ZC3H12B: variants seen among roughly 807,000 people sequenced by gnomAD.
ZC3H12B encodes zinc finger CCCH-type containing 12B, also known as probable ribonuclease ZC3H12B.
Under a neutral mutation model 43.9 loss-of-function variants are expected in ZC3H12B, and 7 were observed. The observed-to-expected ratio is 0.16, with a 90% CI of 0.09 to 0.30. ZC3H12B has a LOEUF of 0.30. Ranked by LOEUF, ZC3H12B falls within the 10% of genes least tolerant of loss-of-function variation. ZC3H12B has a pLI of 1.00. For missense variants in ZC3H12B, 475 were observed against 670.2 expected (o/e 0.71, Z 3.22); for synonymous variants, 222 against 241.7 (o/e 0.92, Z 0.76).
chrX:65,056,738 G>A, the ZC3H12B span, among the ~76,000 whole-genome samples: 1 of 111,210 alleles, frequency 9.0e-6, no homozygotes, highest in South Asian at 3.8e-4. Flanking sequence ...TCTCTTTCTA[G>A]GTGTCTAAGG....
At chrX:65,290,389 G>A in the ZC3H12B span, among the ~76,000 whole-genome samples, 2 of 110,559 alleles carry the variant, frequency 1.8e-5, no homozygotes, top group Non-Finnish European at 3.8e-5. Context: ...ACTGTTGGAG[G>A]GAATGTAAAC....
the ZC3H12B span, among the ~76,000 whole-genome samples, chrX:65,354,103 C>A: frequency 7.1e-5 from 8 of 112,188 alleles, no homozygotes; most frequent in African/African-American, 2.6e-4. Context: ...CCCAGCACAG[C>A]GCTCGAGCTC....
chrX:65,112,926 T>C, the ZC3H12B span, among the ~76,000 whole-genome samples: 2 of 112,157 alleles, frequency 1.8e-5, no homozygotes, highest in Admixed American at 1.9e-4. Context: ...CCAGAGATAA[T>C]GATTCTTCTG....
the ZC3H12B span, among the ~76,000 whole-genome samples, chrX:65,212,263 T>TAATATATTATATAATATATAATATATAA: frequency 8.6e-5 from 4 of 46,377 alleles, no homozygotes; most frequent in African/African-American, 5.0e-4. Context: ...ATATAATATA[T>TAATATATTATATAATATATAATATATAA]TATATAATAT....
chrX:65,313,516 A>G, the ZC3H12B span, among the ~76,000 whole-genome samples: 1 of 112,154 alleles, frequency 8.9e-6, no homozygotes, highest in Non-Finnish European at 1.9e-5. Context: ...GAACTGAACT[A>G]TAATGTAAAC....
At chrX:65,377,550 C>T (rs964659602) in intron 2 of ZC3H12B, among the ~76,000 whole-genome samples, 10 of 110,412 alleles carry the variant, frequency 9.1e-5, no homozygotes, top group Admixed American at 2.0e-4. Flanking sequence ...TATACAGTAG[C>T]GCCACAATAC....
At chrX:65,441,341 G>A (rs1045375127) in intron 3 of ZC3H12B, among the ~76,000 whole-genome samples, 2 of 112,213 alleles carry the variant, frequency 1.8e-5, no homozygotes, top group Non-Finnish European at 3.8e-5. Flanking sequence ...CATACAGACA[G>A]CCAGTGCTGT....
the ZC3H12B span, among the ~76,000 whole-genome samples, chrX:65,088,053 G>A: frequency 8.9e-6 from 1 of 111,741 alleles, no homozygotes; most frequent in Non-Finnish European, 1.9e-5. Context: ...AAAAATATTT[G>A]GAAACCATTG....
At chrX:65,197,486 T>C in the ZC3H12B span, among the ~76,000 whole-genome samples, 1 of 112,170 alleles carries the variant, frequency 8.9e-6, no homozygotes, top group Non-Finnish European at 1.9e-5. Context: ...TAAAACAACC[T>C]CTAAAGGGAG....
intron 3 of ZC3H12B, among the ~76,000 whole-genome samples, chrX:65,412,571 G>A (rs757335432): frequency 1.8e-5 from 2 of 111,286 alleles, no homozygotes; most frequent in Non-Finnish European, 3.8e-5. Flanking sequence ...GGGCTCAATT[G>A]ATTCTCCCAC....
chrX:65,174,418 C>G, the ZC3H12B span, among the ~76,000 whole-genome samples: 4 of 112,584 alleles, frequency 3.6e-5, no homozygotes, highest in African/African-American at 1.3e-4. Context: ...GTGCCAAGAT[C>G]TGCTTCTCTC....
chrX:65,200,791 T>G, the ZC3H12B span, among the ~76,000 whole-genome samples: 2 of 110,742 alleles, frequency 1.8e-5, no homozygotes, highest in African/African-American at 3.3e-5. Flanking sequence ...TAGATCCCAT[T>G]TTTCAATTTT....
At position 65,419,282 on chromosome X, in the gene ZC3H12B, TTCTGGAGAGATTG is replaced by T. The variant is rs763959616; in HGVS notation, n.407+20580_407+20592del. Among the ~76,000 whole-genome samples the T allele has an allele frequency of 6.3e-5, 7 of 111,814 alleles. No individual in the cohort carries two copies. In the South Asian group the frequency reaches 2.7e-3, roughly 43 times the overall value. ...TCATAAACCAAAAGCAATATTGCATTTCTGGAGAGATTGTAGAGATTAGTGCCACCATCACGGA... is the reference window on the plus strand; with the variant it reads ...TCATAAACCAAAAGCAATATTGCATTTAGAGATTAGTGCCACCATCACGGA... On this transcript the variant is annotated intron_variant and non_coding_transcript_variant, in intron 3 of 5. Transcript: ENST00000617377.
At chrX:65,271,633 G>A in the ZC3H12B span, 1 of 112,213 alleles carries the variant, frequency 8.9e-6, no homozygotes, top group African/African-American at 3.2e-5. Flanking sequence ...GACTTCAGTG[G>A]AAGAAGAGTA....
chrX:65,487,813 G>T (rs894848029), upstream of ZC3H12B, among the ~76,000 whole-genome samples: 3 of 112,243 alleles, frequency 2.7e-5, no homozygotes, highest in Non-Finnish European at 5.6e-5. Flanking sequence ...CTCCCTAGTA[G>T]ATGGGGTTCC....
chrX:65,446,250 T>C, intron 3 of ZC3H12B, among the ~76,000 whole-genome samples: 1 of 111,796 alleles, frequency 8.9e-6, no homozygotes, highest in East Asian at 2.8e-4. Context: ...TTTACCTTTT[T>C]CTCTCTTTCC....
At chrX:65,053,745 T>G in the ZC3H12B span, among the ~76,000 whole-genome samples, 2 of 111,746 alleles carry the variant, frequency 1.8e-5, no homozygotes, top group African/African-American at 6.5e-5. Context: ...GTGTTCCTGT[T>G]TCTCCACATC....
chrX:65,303,010 A>G, the ZC3H12B span, among the ~76,000 whole-genome samples: 3 of 112,026 alleles, frequency 2.7e-5, no homozygotes, highest in African/African-American at 9.7e-5. Context: ...ATACATTTAA[A>G]ATGGATCACA....
At chrX:65,254,776 G>T in the ZC3H12B span, among the ~76,000 whole-genome samples, 1 of 111,277 alleles carries the variant, frequency 9.0e-6, no homozygotes, top group Non-Finnish European at 1.9e-5. Context: ...CAAGATTCTG[G>T]AAAAAGTCAA....
Sources: gnomAD v4.1 joint callset for allele counts (sites outside exome capture counted in the v4.1 genomes callset) on GRCh38, gnomAD v4.1.1 for gene constraint, MANE v1.5 for transcripts, NCBI Gene and HGNC (gene_info 2026-07-23, HGNC 2026-07-21) for gene names.